The following SOX6 variants were observed in gnomAD, a reference collection of about 807,000 sequenced individuals.
SOX6 encodes the protein transcription factor SOX-6.
Under a neutral mutation model 97.8 loss-of-function variants are expected in SOX6, and 11 were observed. The observed-to-expected ratio is 0.11, with a 90% CI of 0.07 to 0.19. The LOEUF (loss-of-function observed/expected upper bound fraction) is 0.19, where lower values mean the gene tolerates loss of function less well. Ranked by LOEUF, SOX6 falls within the 10% of genes least tolerant of loss-of-function variation. The pLI, the probability that SOX6 is intolerant of heterozygous loss-of-function variation, is 1.00. For missense variants in SOX6, 810 were observed against 1,039.5 expected (o/e 0.78, Z 3.04); for synonymous variants, 360 against 371.4 (o/e 0.97, Z 0.35).
At chr11:16,497,386 T>C (rs1860619304) in intron 4 of SOX6, among the ~76,000 whole-genome samples, 1 of 151,616 alleles carries the variant, frequency 6.6e-6, no homozygotes, top group African/African-American at 2.4e-5. Context: ...GCAGAAAAAC[T>C]GGAATCTCTA....
intron 4 of SOX6, among the ~76,000 whole-genome samples, chr11:16,531,290 A>G (rs2133169655): frequency 6.6e-6 from 1 of 151,662 alleles, no homozygotes; most frequent in South Asian, 2.1e-4. Flanking sequence ...CCCTCCTAAT[A>G]TTATTTTTCA....
At chr11:16,412,971 C>T (rs1325454606) in intron 1 of SOX6, among the ~76,000 whole-genome samples, 1 of 152,136 alleles carries the variant, frequency 6.6e-6, no homozygotes, top group Non-Finnish European at 1.5e-5. Flanking sequence ...AAGGCAGTTC[C>T]ACCTCAACCA....
chr11:16,498,184 T>A (rs1326469201), intron 4 of SOX6, among the ~76,000 whole-genome samples: 1 of 152,184 alleles, frequency 6.6e-6, no homozygotes, highest in Non-Finnish European at 1.5e-5. Context: ...AAGAAAAGAA[T>A]TTTCAACCTA....
chr11:16,382,877 C>G (rs1259795328), intron 1 of SOX6, among the ~76,000 whole-genome samples: 2 of 151,624 alleles, frequency 1.3e-5, no homozygotes, highest in African/African-American at 4.8e-5. Flanking sequence ...AGCTAAAGAC[C>G]AAGCTCTTAA....
intron 3 of SOX6, among the ~76,000 whole-genome samples, chr11:16,685,959 A>T (rs1418080100): frequency 6.6e-6 from 1 of 152,250 alleles, no homozygotes; most frequent in African/African-American, 2.4e-5. Context: ...TACAGCTCAC[A>T]TTCTCCAAGG....
intron 9 of SOX6, among the ~76,000 whole-genome samples, chr11:16,070,243 G>A (rs945310925): frequency 2.6e-5 from 4 of 152,102 alleles, no homozygotes; most frequent in African/African-American, 9.7e-5. Context: ...CAAGCACTGG[G>A]TAGTTTGCTC....
At chr11:16,422,156 T>C (rs1278390013) in intron 1 of SOX6, among the ~76,000 whole-genome samples, 1 of 152,180 alleles carries the variant, frequency 6.6e-6, no homozygotes, top group Admixed American at 6.5e-5. Flanking sequence ...GTATGAGCTA[T>C]TAAAATAAGC....
intron 2 of SOX6, among the ~76,000 whole-genome samples, chr11:16,330,915 A>C (rs1856271768): frequency 6.6e-6 from 1 of 152,110 alleles, no homozygotes; most frequent in African/African-American, 2.4e-5. Flanking sequence ...CCCCCAGATA[A>C]AAAAAGAAAA....
chr11:16,320,713 G>C (rs1855894202), intron 2 of SOX6, among the ~76,000 whole-genome samples: 1 of 152,056 alleles, frequency 6.6e-6, no homozygotes, highest in African/African-American at 2.4e-5. Context: ...TGTGAAACCT[G>C]GGAATATATT....
chr11:16,191,684 T>C (rs978944065), intron 4 of SOX6, among the ~76,000 whole-genome samples: 1 of 151,758 alleles, frequency 6.6e-6, no homozygotes, highest in African/African-American at 2.4e-5. Context: ...AAAACAGAGG[T>C]AGTTTCACAA....
At chr11:16,356,788 T>A (rs1014286128), upstream of SOX6, among the ~76,000 whole-genome samples, 1 of 152,104 alleles carries the variant, frequency 6.6e-6, no homozygotes. Flanking sequence ...TTCTGTGTGG[T>A]GAGAGTTTAC....
At chr11:16,314,704 C>T (rs908145817) in intron 3 of SOX6, 1 of 152,102 alleles carries the variant, frequency 6.6e-6, no homozygotes, top group Non-Finnish European at 1.5e-5. Context: ...ATTATGGATG[C>T]AAGTAACAAA....
intron 3 of SOX6, chr11:16,283,756 C>G (rs571365101): frequency 1.1e-4 from 29 of 254,346 alleles, no homozygotes; most frequent in South Asian, 1.1e-3. Flanking sequence ...TTATATTTAC[C>G]ATATTTTCTT....
chr11:16,471,779 T>C (rs987623883), intron 1 of SOX6, among the ~76,000 whole-genome samples: 2 of 152,144 alleles, frequency 1.3e-5, no homozygotes, highest in Non-Finnish European at 2.9e-5. Flanking sequence ...AACCAAAAGG[T>C]TCTGCAGTCA....
intron 4 of SOX6, among the ~76,000 whole-genome samples, chr11:16,188,527 A>T (rs1851543035): frequency 6.6e-6 from 1 of 152,218 alleles, no homozygotes; most frequent in African/African-American, 2.4e-5. Context: ...AAAGAATCAT[A>T]AGATCCATAA....
intron 1 of SOX6, among the ~76,000 whole-genome samples, chr11:16,469,819 T>C (rs1358526745): frequency 6.6e-6 from 1 of 152,036 alleles, no homozygotes; most frequent in Non-Finnish European, 1.5e-5. Flanking sequence ...ATTAAAAATA[T>C]TTTTTTCTCA....
intron 2 of SOX6, among the ~76,000 whole-genome samples, chr11:16,325,043 C>T (rs965411128): frequency 1.3e-5 from 2 of 151,990 alleles, no homozygotes; most frequent in Non-Finnish European, 2.9e-5. Context: ...AAAAAAGAGA[C>T]CATAGTACAC....
At chr11:16,335,795 G>T (rs1856442317) in intron 2 of SOX6, among the ~76,000 whole-genome samples, 1 of 152,168 alleles carries the variant, frequency 6.6e-6, no homozygotes, top group African/African-American at 2.4e-5. Context: ...ACACTCCAGA[G>T]TTGATTAGCA....
At chr11:16,006,289 C>A (rs1854553297) in intron 13 of SOX6, among the ~76,000 whole-genome samples, 1 of 152,078 alleles carries the variant, frequency 6.6e-6, no homozygotes, top group East Asian at 1.9e-4. Context: ...TAGTCTAAAT[C>A]AGTCTTGAAT....
Sources: allele counts gnomAD v4.1 joint callset (sites outside exome capture counted in the v4.1 genomes callset), GRCh38; gene constraint gnomAD v4.1.1; transcripts MANE v1.5; gene names NCBI Gene and HGNC (gene_info 2026-07-23, HGNC 2026-07-21).